NAV3: variants seen among roughly 807,000 people sequenced by gnomAD.
NAV3 encodes pore membrane and/or filament interacting like protein 1.
A neutral mutation model predicts 244.7 loss-of-function variants in NAV3; 87 were observed. The observed-to-expected ratio is 0.36, with a 90% CI of 0.30 to 0.42. NAV3 has a LOEUF of 0.42. Ranked by LOEUF, NAV3 falls within the 20% of genes least tolerant of loss-of-function variation. The pLI, the probability that NAV3 is intolerant of heterozygous loss-of-function variation, is 1.00. For missense variants in NAV3, 2,663 were observed against 2,893.3 expected, an observed-to-expected ratio of 0.92 and a Z score of 1.83; for synonymous variants, 1,126 against 1,042.2, an observed-to-expected ratio of 1.08 and a Z score of -1.55.
chr12:77,828,648 A>AT (rs1401364477), upstream of NAV3, among the ~76,000 whole-genome samples: 1 of 152,122 alleles, frequency 6.6e-6, no homozygotes, highest in Non-Finnish European at 1.5e-5. Context: ...CACAAAGCAC[A>AT]TTTTTTATAG....
intron 2 of NAV3, among the ~76,000 whole-genome samples, chr12:77,617,438 C>T (rs1592507962): frequency 6.6e-6 from 1 of 152,128 alleles, no homozygotes; most frequent in African/African-American, 2.4e-5. Flanking sequence ...TTCCTGCTGC[C>T]ATCTTATGAG....
intron 12 of NAV3, among the ~76,000 whole-genome samples, chr12:78,083,227 C>T (rs1953451796): frequency 6.6e-6 from 1 of 152,144 alleles, no homozygotes; most frequent in African/African-American, 2.4e-5. Context: ...GACCTACTCA[C>T]ACACTAACCC....
chr12:77,598,896 C>T (rs1484485257), intron 2 of NAV3, among the ~76,000 whole-genome samples: 1 of 151,898 alleles, frequency 6.6e-6, no homozygotes. Flanking sequence ...TAAAATTGCA[C>T]AATATGGTAT....
chr12:77,748,958 TAAATC>T (rs1868697690), intron 2 of NAV3, among the ~76,000 whole-genome samples: 1 of 152,228 alleles, frequency 6.6e-6, no homozygotes, highest in Non-Finnish European at 1.5e-5. Flanking sequence ...ATATGTGAAT[TAAATC>T]GTTACATTAC....
At chr12:77,663,617 G>A (rs1345499108) in intron 2 of NAV3, among the ~76,000 whole-genome samples, 3 of 151,296 alleles carry the variant, frequency 2.0e-5, no homozygotes, top group South Asian at 2.1e-4. Context: ...GGCCTCTCAA[G>A]TTCAAGCAAT....
chr12:78,193,900 ACT>A (rs140304158), intron 34 of NAV3, among the ~76,000 whole-genome samples: 1 of 148,156 alleles, frequency 6.7e-6, no homozygotes. Context: ...GTGCCTCCCC[ACT>A]CTCTCTCTCT....
chr12:78,049,795 A>G (rs1002554219), intron 9 of NAV3, among the ~76,000 whole-genome samples, 198 bp from the exon 10 acceptor site: 1 of 152,210 alleles, frequency 6.6e-6, no homozygotes, highest in Non-Finnish European at 1.5e-5. Context: ...ACTTAAAATT[A>G]TTACTGGTGA....
intron 3 of NAV3, among the ~76,000 whole-genome samples, chr12:77,953,306 T>C (rs1404884844): frequency 6.6e-6 from 1 of 152,138 alleles, no homozygotes; most frequent in East Asian, 1.9e-4. Flanking sequence ...CTAGCATACA[T>C]GTGTTTATAG....
At chr12:77,614,351 C>G (rs1239425059) in intron 2 of NAV3, among the ~76,000 whole-genome samples, 1 of 152,030 alleles carries the variant, frequency 6.6e-6, no homozygotes, top group Non-Finnish European at 1.5e-5. Context: ...ACCTCTTCAA[C>G]AGACAGCTTT....
intron 3 of NAV3, among the ~76,000 whole-genome samples, chr12:77,948,963 G>T (rs1056541158): frequency 2.0e-5 from 3 of 151,854 alleles, no homozygotes; most frequent in African/African-American, 7.2e-5. Context: ...GATCAGATAA[G>T]TATTTTGAAA....
intron 2 of NAV3, among the ~76,000 whole-genome samples, chr12:77,781,359 TC>T (rs1870652221): frequency 1.3e-5 from 2 of 152,180 alleles, no homozygotes; most frequent in South Asian, 4.1e-4. Context: ...CAAACTATTC[TC>T]CCTGAAGACT....
intron 2 of NAV3, among the ~76,000 whole-genome samples, chr12:77,705,238 G>GCATATTT (rs1555196505): frequency 6.6e-6 from 1 of 151,824 alleles, no homozygotes; most frequent in Non-Finnish European, 1.5e-5. Context: ...GGCCAACATA[G>GCATATTT]CGAAACCCTG....
rs1324884818 is a variant in NAV3, at chr12:77,928,720, C to T, written c.244-11599C>T. On this transcript the variant is annotated intron_variant, in intron 1 of 39. Coordinates refer to ENST00000397909, the MANE Select transcript of NAV3 (RefSeq NM_001024383.2). ...TAAATCCTACCCTTTCTTTTCCTAT[C>T]AACTTACCTGTATTTCTGTTCATCT... 2.0e-5 allele frequency among the ~76,000 whole-genome samples: 3 copies of T among 152,144 alleles called. No individual in the cohort carries two copies. In the East Asian group the frequency reaches 5.8e-4, roughly 29 times the overall value.
At chr12:78,180,264 G>C (rs994647642) in intron 29 of NAV3, among the ~76,000 whole-genome samples, 3 of 152,032 alleles carry the variant, frequency 2.0e-5, no homozygotes, top group African/African-American at 7.2e-5. Flanking sequence ...TAATCACTTG[G>C]TACCACAGAT....
rs189712406 is a variant in NAV3, at chr12:77,805,060, A to T, written c.73-135259A>T. On this transcript the variant is annotated intron_variant, in intron 2 of 8. Coordinates refer to the NAV3 transcript ENST00000550042. ...TGAAGTTGCTTATTAACTTAAGGAG[A>T]TTTTGGGCTGAGACAATGGGGTTTT... Among the ~76,000 whole-genome samples the T allele has an allele frequency of 4.2e-4, 64 of 152,144 alleles. No homozygotes were observed. The East Asian group carries it at 0.011, about 25-fold the overall frequency.
At chr12:77,806,960 T>C (rs1280899828) in intron 2 of NAV3, among the ~76,000 whole-genome samples, 3 of 152,324 alleles carry the variant, frequency 2.0e-5, no homozygotes, top group Non-Finnish European at 4.4e-5. Context: ...TGGTCTCTGA[T>C]AAAAAGTCTG....
At chr12:77,745,443 G>A (rs1158278056) in intron 2 of NAV3, among the ~76,000 whole-genome samples, 1 of 151,978 alleles carries the variant, frequency 6.6e-6, no homozygotes. Context: ...AATGAACACA[G>A]ATAAAACATA....
intron 34 of NAV3, among the ~76,000 whole-genome samples, chr12:78,192,238 T>C (rs1423840227): frequency 6.6e-6 from 1 of 152,066 alleles, no homozygotes; most frequent in African/African-American, 2.4e-5. Context: ...TTTTTGCTTT[T>C]TCAGAGTACA....
In NAV3 at chr12:78,049,977, C is replaced by T. The variant is rs1215791114; in HGVS notation, c.2024-16C>T. 1.9e-6 allele frequency: 3 copies of T among 1,557,088 alleles called. No homozygotes were observed. Among genetic ancestry groups the T allele is most frequent in the Non-Finnish European group, 8.8e-7 (1 of 1,140,758 alleles). On this transcript the variant is annotated splice_polypyrimidine_tract_variant and intron_variant, in intron 9 of 39. Transcript: ENST00000397909. Reference sequence around the variant, plus strand: ...TAAATGTCATGAATAGCAAATTTATCATATTGCTTTCCTAGGTGAAGACCC... The same window carrying T: ...TAAATGTCATGAATAGCAAATTTATTATATTGCTTTCCTAGGTGAAGACCC...
Sources: gnomAD v4.1 joint callset for allele counts (sites outside exome capture counted in the v4.1 genomes callset) on GRCh38, gnomAD v4.1.1 for gene constraint, MANE v1.5 for transcripts, NCBI Gene and HGNC (gene_info 2026-07-23, HGNC 2026-07-21) for gene names.